The following GSR variants were observed in gnomAD, a reference collection of about 807,000 sequenced individuals.
GSR encodes the protein glutathione reductase, mitochondrial.
Under a neutral mutation model 56.5 loss-of-function variants are expected in GSR, and 48 were observed. The ratio of observed to expected loss-of-function variants is 0.85; its 90% CI spans 0.67 to 1.08. The LOEUF (loss-of-function observed/expected upper bound fraction) is 1.08, where lower values mean the gene tolerates loss of function less well. GSR is among the 50% of genes least tolerant of loss of function. GSR has a pLI of 0.00. For synonymous variants in GSR, 264 were observed against 270.8 expected, an observed-to-expected ratio of 0.97 and a Z score of 0.25; for missense variants, 694 against 703.3, an observed-to-expected ratio of 0.99 and a Z score of 0.15.
chr8:30,679,286 A>T lies in GSR; in HGVS notation c.*234T>A. ...GCACAGAGCTGTTAATAAAAAAAAAACTTGAAAATATTAATTACTGTGAGA... is the reference window on the plus strand; with the variant it reads ...GCACAGAGCTGTTAATAAAAAAAAATCTTGAAAATATTAATTACTGTGAGA... On this transcript the variant is annotated 3_prime_UTR_variant, in exon 13 of 13. Transcript: ENST00000221130. The T allele has an allele frequency of 1.8e-6, 1 of 554,836 alleles. No homozygotes were observed. Among genetic ancestry groups the T allele is most frequent in the East Asian group, 3.2e-5 (1 of 31,710 alleles). 34.4% of individuals were successfully genotyped at this position (554,836 alleles called of 1,614,324 possible).
At chr8:30,719,679 C>T (rs2978671) in intron 1 of GSR, among the ~76,000 whole-genome samples, 116,461 of 151,978 alleles carry the variant, frequency 0.77, 49,105 homozygotes, top group Non-Finnish European at 0.94. Flanking sequence ...GTGTTCAGAA[C>T]CCCGATCAGT....
Position 30,709,449 on chromosome 8 carries a change from A to G in GSR, c.422+365T>C, listed in dbSNP as rs187398741. 8.7e-4 allele frequency among the ~76,000 whole-genome samples: 132 copies of G among 152,294 alleles called. 6 individuals carry two copies. Among genetic ancestry groups the G allele is most frequent in the Admixed American group, 8.6e-3 (132 of 15,270 alleles). The stretch of plus-strand genomic sequence containing the variant: ...AAACAAAATACACTAGACATAAAGG[A>G]ACAAATATTGTATGATTCCACTTAT... On this transcript the variant is annotated intron_variant, in intron 3 of 12. Transcript: ENST00000221130.
intron 7 of GSR, among the ~76,000 whole-genome samples, 157 bp downstream of exon 7, chr8:30,696,223 G>A (rs916035570): frequency 2.0e-5 from 3 of 152,044 alleles, no homozygotes; most frequent in Non-Finnish European, 2.9e-5. Context: ...GAGGGATATA[G>A]GCCAAATTCA....
intron 9 of GSR, among the ~76,000 whole-genome samples, chr8:30,688,873 TG>T (rs1337694371): frequency 1.3e-5 from 2 of 151,758 alleles, no homozygotes; most frequent in Non-Finnish European, 2.9e-5. Context: ...CGGTGAGCTA[TG>T]ATCACACCAC....
chr8:30,700,777 A>G (rs1311535348), intron 5 of GSR, among the ~76,000 whole-genome samples: 3 of 142,786 alleles, frequency 2.1e-5, no homozygotes, highest in Admixed American at 7.5e-5. Flanking sequence ...CTCTCTGCTT[A>G]TTCTTTCAAA....
intron 5 of GSR, among the ~76,000 whole-genome samples, chr8:30,700,749 A>AAAAAAAAAAAAAAC (rs1803709390): frequency 7.0e-6 from 1 of 142,064 alleles, no homozygotes; most frequent in Non-Finnish European, 1.5e-5. Context: ...AAAAAAAAAA[A>AAAAAAAAAAAAAAC]ATCGACGTGG....
intron 12 of GSR, among the ~76,000 whole-genome samples, 181 bp downstream of exon 12, chr8:30,680,723 C>A (rs1411574900): frequency 6.6e-6 from 1 of 151,988 alleles, no homozygotes; most frequent in Non-Finnish European, 1.5e-5. Context: ...AGGAGTGGAA[C>A]CTCCTTCTAG....
At chr8:30,724,590 C>T (rs1804663321) in intron 1 of GSR, among the ~76,000 whole-genome samples, 1 of 111,134 alleles carries the variant, frequency 9.0e-6, no homozygotes, top group African/African-American at 3.3e-5. Context: ...ACTCTGTTGC[C>T]CACACTGGAG....
At chr8:30,704,232 C>T (rs755389288) in intron 4 of GSR, among the ~76,000 whole-genome samples, 4 of 151,772 alleles carry the variant, frequency 2.6e-5, no homozygotes, top group Admixed American at 6.6e-5. Context: ...GGCTGAGGCA[C>T]GAGAATTCCT....
At position 30,704,650 on chromosome 8, in the gene GSR, A is replaced by C. The variant is rs1431652387; in HGVS notation, c.493-1410T>G. 3 of 152,234 alleles carry C rather than the reference A, an allele frequency of 2.0e-5. No individual in the cohort carries two copies. The East Asian group carries it at 5.8e-4, about 29-fold the overall frequency. 9.4% of individuals were successfully genotyped at this position (152,234 alleles called of 1,614,324 possible). On this transcript the variant is annotated intron_variant, in intron 4 of 12. Coordinates refer to ENST00000221130, the MANE Select transcript of GSR (RefSeq NM_000637.5). Reference sequence around the variant, plus strand: ...CATGCAAATGTGGTCAACTTACAAGAATAATGGAACCATGTAAGCATGATT... The same window carrying C: ...CATGCAAATGTGGTCAACTTACAAGCATAATGGAACCATGTAAGCATGATT...
intron 2 of GSR, among the ~76,000 whole-genome samples, chr8:30,710,757 AAAG>A (rs376490681): frequency 0.1 from 13,802 of 138,016 alleles, 859 homozygotes; most frequent in South Asian, 0.12. Context: ...AAAAGAAAAA[AAAG>A]AAAAAAAAAT....
chr8:30,712,163 C>T (rs145795802), intron 1 of GSR, 75 bp from the exon 2 acceptor site: 329 of 773,478 alleles, frequency 4.3e-4, no homozygotes, highest in African/African-American at 3.9e-3. Flanking sequence ...AAGAAATGCA[C>T]GCTAAGCATC....
chr8:30,713,181 T>A (rs1804212021), intron 1 of GSR, among the ~76,000 whole-genome samples: 1 of 151,994 alleles, frequency 6.6e-6, no homozygotes, highest in Admixed American at 6.6e-5. Flanking sequence ...GGACTGTAGG[T>A]GTGCACCACC....
chr8:30,711,344 GT>G (rs1054336977), intron 2 of GSR, among the ~76,000 whole-genome samples: 1 of 152,136 alleles, frequency 6.6e-6, no homozygotes, highest in African/African-American at 2.4e-5. Flanking sequence ...AAGAGCTGCT[GT>G]TTTTTCCTCT....
At chr8:30,724,498 A>C (rs776662999) in intron 1 of GSR, among the ~76,000 whole-genome samples, 1 of 144,474 alleles carries the variant, frequency 6.9e-6, no homozygotes. Context: ...CCTGGGACCC[A>C]TCTTTTGAGG....
chr8:30,700,276 G>T (rs1404821372), intron 5 of GSR, 141 bp from the exon 6 acceptor site: 1 of 713,852 alleles, frequency 1.4e-6, no homozygotes, highest in African/African-American at 1.7e-5. Context: ...GTCTCTGCTT[G>T]GAAAGCTGCC....
Position 30,684,088 on chromosome 8 carries a change from C to T in GSR, c.1153G>A (p.Val385Ile). Reference protein sequence around the residue: ...DVCGKALLTPVAIAAGRKLAH... With the variant: ...DVCGKALLTPIAIAAGRKLAH... ...TCACCAAGAAGGGAAGAGACCTTAC[C>T]TGGAGTAAGAAGAGCTTTTCCACAT... The change falls in exon 10 of 13, where the codon GTT becomes ATT. Residue 385 changes from valine (V) to isoleucine (I), a missense_variant and splice_region_variant. Transcript: ENST00000221130. 1.3e-6 allele frequency: 2 copies of T among 1,486,122 alleles called. No individual in the cohort carries two copies. The highest frequency in any genetic ancestry group is 1.9e-6 in the Non-Finnish European group (2 of 1,063,056). The allele number at this position is 1,486,122 out of a possible 1,614,324, so 92.1% of individuals were successfully genotyped here.
At chr8:30,707,386 GA>G (rs1401920343) in intron 4 of GSR, among the ~76,000 whole-genome samples, 2 of 151,944 alleles carry the variant, frequency 1.3e-5, no homozygotes, top group Non-Finnish European at 2.9e-5. Flanking sequence ...TTCAATAATA[GA>G]AAAAGTAAGA....
chr8:30,699,713 G>C (rs553305395), intron 6 of GSR, among the ~76,000 whole-genome samples: 2 of 151,820 alleles, frequency 1.3e-5, no homozygotes, highest in African/African-American at 4.8e-5. Flanking sequence ...CAAAGTGCTA[G>C]GATTACAGCC....
Sources: allele counts gnomAD v4.1 joint callset (sites outside exome capture counted in the v4.1 genomes callset), GRCh38; gene constraint gnomAD v4.1.1; transcripts MANE v1.5; gene names NCBI Gene and HGNC (gene_info 2026-07-23, HGNC 2026-07-21).